The following SPTBN1 variants were observed in gnomAD, a reference collection of about 807,000 sequenced individuals.
SPTBN1 encodes spectrin beta chain, non-erythrocytic 1.
A neutral mutation model predicts 266.4 loss-of-function variants in SPTBN1; 32 were observed. The ratio of observed to expected loss-of-function variants is 0.12; its 90% CI spans 0.09 to 0.16. The LOEUF is 0.16. Ranked by LOEUF, SPTBN1 falls within the 10% of genes least tolerant of loss-of-function variation. The pLI is 1.00. For missense variants in SPTBN1, 2,296 were observed against 3,067.1 expected (o/e 0.75, Z 5.94); for synonymous variants, 1,336 against 1,162.2 (o/e 1.15, Z -3.04).
At chr2:54,519,414 A>AGGT (rs1233627254) in intron 1 of SPTBN1, among the ~76,000 whole-genome samples, 4 of 152,196 alleles carry the variant, frequency 2.6e-5, no homozygotes, top group Admixed American at 1.3e-4. Flanking sequence ...AATTCAGACC[A>AGGT]GGTGGTGGTG....
chr2:54,518,169 T>C (rs546066471), intron 1 of SPTBN1, among the ~76,000 whole-genome samples: 92 of 152,240 alleles, frequency 6.0e-4, no homozygotes, highest in Middle Eastern at 3.4e-3. Context: ...ACTAGCCCCA[T>C]GTACCTGAGT....
chr2:54,635,263 C>G (rs1214376489), intron 17 of SPTBN1, among the ~76,000 whole-genome samples: 1 of 152,344 alleles, frequency 6.6e-6, no homozygotes, highest in South Asian at 2.1e-4. Flanking sequence ...GAGAGAATTT[C>G]CTGAGTTTCA....
chr2:54,522,876 T>G lies in SPTBN1; in HGVS notation c.-47-3496T>G, dbSNP rs114424355. 3.5e-3 allele frequency among the ~76,000 whole-genome samples: 535 copies of G among 152,136 alleles called. 6 individuals carry two copies. The highest frequency in any genetic ancestry group is 0.012 in the African/African-American group (501 of 41,506). The stretch of plus-strand genomic sequence containing the variant: ...GTATAGCAGCCCTGGGGGTTTCTTC[T>G]CATTGGTCAGCAGGTGGCACCAAAT... On this transcript the variant is annotated intron_variant, in intron 1 of 35. Transcript: ENST00000356805.
intron 1 of SPTBN1, among the ~76,000 whole-genome samples, chr2:54,469,082 G>T (rs572431103): frequency 2.6e-5 from 4 of 152,160 alleles, no homozygotes; most frequent in African/African-American, 9.7e-5. Flanking sequence ...AAGAAAAAGC[G>T]TTATTTCTAT....
At chr2:54,546,536 A>G (rs1039577918) in intron 2 of SPTBN1, 2 of 152,162 alleles carry the variant, frequency 1.3e-5, no homozygotes, top group African/African-American at 4.8e-5. Flanking sequence ...TGTTTTGAGG[A>G]CTCAATCTCA....
At chr2:54,570,395 T>A (rs1175911813) in intron 2 of SPTBN1, among the ~76,000 whole-genome samples, 1 of 152,228 alleles carries the variant, frequency 6.6e-6, no homozygotes, top group African/African-American at 2.4e-5. Context: ...GCTGAAATTA[T>A]GCAAGTGGAA....
rs1386514682 is a variant in SPTBN1, at chr2:54,456,520, T to C, written c.-48+2T>C. 2 of 147,838 alleles carry C rather than the reference T, an allele frequency of 1.4e-5. No homozygotes were observed. Among genetic ancestry groups the C allele is most frequent in the African/African-American group, 2.5e-5 (1 of 40,142 alleles). The allele number at this position is 147,838 out of a possible 1,614,324, so 9.2% of individuals were successfully genotyped here. A position where few individuals can be genotyped will look rare whatever the true frequency, so the allele number is the denominator to read the frequency against. On this transcript the variant is annotated splice_donor_variant, in intron 1 of 35. Coordinates refer to ENST00000356805, the MANE Select transcript of SPTBN1 (RefSeq NM_003128.3). LOFTEE classifies it low-confidence loss of function (5UTR_SPLICE). ...GCGCCCCCACCCCATCCCCGGGAGG[T>C]AGGTAGGGGGCCCGAGGCAGGGAGA... is the stretch of plus-strand genomic sequence containing the variant.
rs779582626 is a variant in SPTBN1, at chr2:54,506,894, C to CTT, written c.-47-19465_-47-19464dup. Among the ~76,000 whole-genome samples the CTT allele has an allele frequency of 2.2e-5, 3 of 133,502 alleles. 1 individual carries two copies. The highest frequency in any genetic ancestry group is 4.7e-5 in the Non-Finnish European group (3 of 64,162). The allele number at this position is 133,502 out of a possible 152,430, so 87.6% of individuals were successfully genotyped here. ...AGTTTAGGTTGATCTGGTTCTCTCTCTTTTTTTTTTTTTTGAGCAACAAGA... is the reference window on the plus strand; with the variant it reads ...AGTTTAGGTTGATCTGGTTCTCTCTCTTTTTTTTTTTTTTTTGAGCAACAAGA... On this transcript the variant is annotated intron_variant, in intron 1 of 35. Coordinates refer to ENST00000356805, the MANE Select transcript of SPTBN1 (RefSeq NM_003128.3).
intron 17 of SPTBN1, among the ~76,000 whole-genome samples, chr2:54,634,766 C>G (rs149017567): frequency 6.6e-6 from 1 of 152,226 alleles, no homozygotes; most frequent in African/African-American, 2.4e-5. Flanking sequence ...AATGTGCTTA[C>G]GTTCAGGAAG....
At chr2:54,497,204 G>C (rs1023598966) in intron 1 of SPTBN1, among the ~76,000 whole-genome samples, 14 of 152,104 alleles carry the variant, frequency 9.2e-5, no homozygotes, top group African/African-American at 3.1e-4. Context: ...AACTGTCTTG[G>C]GTTCTCTGAA....
At chr2:54,518,235 A>C (rs1321848269) in intron 1 of SPTBN1, among the ~76,000 whole-genome samples, 1 of 151,820 alleles carries the variant, frequency 6.6e-6, no homozygotes, top group Admixed American at 6.6e-5. Flanking sequence ...GTTCTCACTC[A>C]TAGGTGGGAA....
intron 2 of SPTBN1, among the ~76,000 whole-genome samples, chr2:54,597,572 G>GCCGGGGATCTTGGCAGGTGC (rs1456652261): frequency 1.3e-5 from 2 of 152,236 alleles, no homozygotes; most frequent in Non-Finnish European, 2.9e-5. Context: ...GTAGCAGGTG[G>GCCGGGGATCTTGGCAGGTGC]CCGGGGATCT....
At position 54,646,233 on chromosome 2, in the gene SPTBN1, G is replaced by C. The variant is rs745529688; in HGVS notation, c.4624G>C (p.Asp1542His). Residue 1542 changes from aspartate to histidine, a missense_variant, in exon 23 of 36, where the codon GAC becomes CAC. Physicochemically the swap from Asp to His is moderately conservative, Grantham distance 81 (BLOSUM62 -1). Around this residue, in one of 12 missense-constraint regions of SPTBN1, gnomAD observed 644 missense variants for 745.3 expected, o/e 0.86. Coordinates refer to ENST00000356805, the MANE Select transcript of SPTBN1 (RefSeq NM_003128.3). The surrounding 1 kb of genome is among the most constrained non-coding windows in gnomAD (Gnocchi z 4.4). ...AATCCAGGGGCACCAGCCTCGCATT[G>C]ACGACATCTTTGAGAGGAGCCAAAA... ...KEIQGHQPRI[D>H]DIFERSQNIV... 29 of 1,613,536 alleles carry C rather than the reference G, an allele frequency of 1.8e-5. No homozygotes were observed. The highest frequency in any genetic ancestry group is 6.8e-6 in the Non-Finnish European group (8 of 1,179,746).
Position 54,599,159 on chromosome 2 carries a change from C to G in SPTBN1, c.216C>G (p.Ser72=). Residue 72 remains serine, a synonymous_variant, in exon 3 of 36, where the codon TCC becomes TCG. Transcript: ENST00000356805. ...TCAATTCCCACCTTGCCCGTGTGTC[C>G]TGCCGGATCACAGACCTGTACACTG... ...KWVNSHLARV[S]CRITDLYTDL... 6.2e-7 allele frequency: 1 copy of G among 1,614,172 alleles called. No homozygotes were observed.
At chr2:54,475,202 G>T (rs574933782) in intron 1 of SPTBN1, among the ~76,000 whole-genome samples, 10 of 151,936 alleles carry the variant, frequency 6.6e-5, no homozygotes, top group Non-Finnish European at 2.9e-5. Context: ...GCGAAACTCC[G>T]TCTCAAAAAA....
chr2:54,470,010 T>G (rs901752675), intron 1 of SPTBN1, among the ~76,000 whole-genome samples: 8 of 152,210 alleles, frequency 5.3e-5, no homozygotes, highest in Non-Finnish European at 1.0e-4. Flanking sequence ...TGTTTGCTTG[T>G]TTTTAAATCA....
Position 54,466,510 on chromosome 2 carries a change from C to T in SPTBN1, c.-48+9992C>T, listed in dbSNP as rs1330196646. Among the ~76,000 whole-genome samples the T allele has an allele frequency of 3.2e-5, 2 of 62,094 alleles. 1 individual carries two copies. The highest frequency in any genetic ancestry group is 5.0e-5 in the Non-Finnish European group (2 of 40,252). The allele number at this position is 62,094 out of a possible 152,430, so 40.7% of individuals were successfully genotyped here. A position where few individuals can be genotyped will look rare whatever the true frequency, so the allele number is the denominator to read the frequency against. On this transcript the variant is annotated intron_variant, in intron 1 of 35. Coordinates refer to ENST00000356805, the MANE Select transcript of SPTBN1 (RefSeq NM_003128.3). ...CCGGGAGGCGAAGCTTGCAGTGAGC[C>T]GAGATCGCGCCACTGCACTCCAGCC...
intron 1 of SPTBN1, among the ~76,000 whole-genome samples, chr2:54,472,745 T>G (rs1012635739): frequency 2.0e-5 from 3 of 152,046 alleles, no homozygotes; most frequent in Admixed American, 1.3e-4. Context: ...AAACAGCCAG[T>G]TAGTTTGGGT....
intron 2 of SPTBN1, chr2:54,529,510 G>A (rs890276844): frequency 1.4e-6 from 1 of 713,062 alleles, no homozygotes; most frequent in Non-Finnish European, 2.6e-6. Flanking sequence ...TGAGACTCTG[G>A]AGGCCGCCCA....
Sources: allele counts gnomAD v4.1 joint callset (sites outside exome capture counted in the v4.1 genomes callset), GRCh38; gene constraint gnomAD v4.1.1; regional missense constraint gnomAD v4.1.1; non-coding constraint Gnocchi (gnomAD v3.1); transcripts MANE v1.5; gene names NCBI Gene and HGNC (gene_info 2026-07-23, HGNC 2026-07-21).